AVEN: variants seen among roughly 807,000 people sequenced by gnomAD.
AVEN encodes the protein apoptosis and caspase activation inhibitor.
In AVEN, 41 loss-of-function variants were observed where a neutral mutation model predicts 38.1. That is an observed-to-expected ratio of 1.08 (90% CI 0.84 to 1.40). AVEN has a LOEUF of 1.40. Among genes scored for constraint, AVEN ranks in the 40% most tolerant of loss-of-function variants. AVEN has a pLI of 0.00. For missense variants in AVEN, 605 were observed against 438.8 expected (o/e 1.38, Z -3.38); for synonymous variants, 206 against 171.8 (o/e 1.20, Z -1.56).
intron 1 of AVEN, among the ~76,000 whole-genome samples, chr15:34,027,807 C>G (rs555005683): frequency 2.4e-5 from 3 of 126,602 alleles, no homozygotes; most frequent in Non-Finnish European, 4.8e-5. Flanking sequence ...CTACCTGAGG[C>G]AAGGATCAGG....
At chr15:34,025,613 T>G (rs1898421311) in intron 1 of AVEN, among the ~76,000 whole-genome samples, 1 of 152,212 alleles carries the variant, frequency 6.6e-6, no homozygotes, top group Non-Finnish European at 1.5e-5. Flanking sequence ...ATTTTGATAA[T>G]TGTGCAATGG....
At chr15:33,971,543 T>C (rs1002720976) in intron 2 of AVEN, among the ~76,000 whole-genome samples, 1 of 152,046 alleles carries the variant, frequency 6.6e-6, no homozygotes, top group African/African-American at 2.4e-5. Context: ...AAAGTAATTT[T>C]TGTCTGAAAT....
intron 1 of AVEN, among the ~76,000 whole-genome samples, chr15:34,026,545 C>A (rs1187641854): frequency 2.0e-5 from 3 of 151,994 alleles, no homozygotes; most frequent in Admixed American, 2.0e-4. Flanking sequence ...TATAAGCTGA[C>A]GTCACCCAGG....
At chr15:33,887,545 A>G (rs980451375) in intron 2 of AVEN, among the ~76,000 whole-genome samples, 2 of 152,200 alleles carry the variant, frequency 1.3e-5, no homozygotes. Flanking sequence ...TTCATTTTTC[A>G]TACATTTTAG....
intron 11 of AVEN, chr15:33,859,737 A>T (rs1374240723): frequency 1.2e-6 from 2 of 1,602,994 alleles, no homozygotes; most frequent in Non-Finnish European, 1.7e-6. Context: ...TCAAGGTATG[A>T]TTGCCAATTG....
chr15:34,064,284 T>A lies in AVEN; in HGVS notation n.1127-852A>T, dbSNP rs144938376. On this transcript the variant is annotated intron_variant and non_coding_transcript_variant, in intron 4 of 11. Coordinates refer to the AVEN transcript ENST00000675287. Reference sequence around the variant, plus strand: ...GAAAAAGAAAAAAGTGGAAGAGAAGTTGTACTGGCAGGGGAACAGCAAGCT... The same window carrying A: ...GAAAAAGAAAAAAGTGGAAGAGAAGATGTACTGGCAGGGGAACAGCAAGCT... 895 of 1,613,782 alleles carry A rather than the reference T, an allele frequency of 5.5e-4. 5 individuals are homozygous for A. The African/African-American group carries it at 0.01, about 18-fold the overall frequency.
At chr15:33,855,371 T>C (rs998409433), downstream of AVEN, among the ~76,000 whole-genome samples, 1 of 152,170 alleles carries the variant, frequency 6.6e-6, no homozygotes, top group Non-Finnish European at 1.5e-5. Context: ...GCCCGGCTAA[T>C]TTTTGTATTT....
chr15:33,979,298 G>A (rs954697439), intron 2 of AVEN, among the ~76,000 whole-genome samples: 1 of 152,170 alleles, frequency 6.6e-6, no homozygotes, highest in African/African-American at 2.4e-5. Flanking sequence ...AAGGAGGAAG[G>A]ATTGCTTGAG....
intron 2 of AVEN, among the ~76,000 whole-genome samples, chr15:33,921,668 A>C (rs1893399013): frequency 6.6e-6 from 1 of 152,224 alleles, no homozygotes; most frequent in South Asian, 2.1e-4. Context: ...TTTAGAAAAC[A>C]ATGACATCAT....
At chr15:33,930,096 A>G (rs778351905) in intron 2 of AVEN, among the ~76,000 whole-genome samples, 7 of 152,198 alleles carry the variant, frequency 4.6e-5, no homozygotes, top group Admixed American at 6.6e-5. Flanking sequence ...AAACTGTTCT[A>G]GCATGCCATG....
In AVEN at chr15:33,866,561, C is replaced by A. The variant is rs571487507; in HGVS notation, c.*52G>T. On this transcript the variant is annotated 3_prime_UTR_variant, in exon 6 of 6. Coordinates refer to ENST00000306730, the MANE Select transcript of AVEN (RefSeq NM_020371.3). The stretch of plus-strand genomic sequence containing the variant: ...GTCCTGAAGGACAGCCTTATGCCCA[C>A]CTGCCGTTAGAAGGCAACCAAGATT... 1.4e-6 allele frequency: 2 copies of A among 1,400,976 alleles called. No homozygotes were observed. The highest frequency in any genetic ancestry group is 4.6e-5 in the East Asian group (2 of 43,854). 86.8% of individuals were successfully genotyped at this position (1,400,976 alleles called of 1,614,324 possible).
At chr15:33,891,349 A>AT (rs1891952980) in intron 2 of AVEN, among the ~76,000 whole-genome samples, 1 of 152,132 alleles carries the variant, frequency 6.6e-6, no homozygotes, top group South Asian at 2.1e-4. Flanking sequence ...CGTCATTTAC[A>AT]TTAGGTATTT....
intron 2 of AVEN, among the ~76,000 whole-genome samples, chr15:33,896,892 A>G (rs1290281149): frequency 9.2e-5 from 14 of 152,228 alleles, no homozygotes; most frequent in Admixed American, 5.2e-4. Flanking sequence ...CAAAAGGTAG[A>G]TATTGTGCCC....
At chr15:33,901,401 A>C (rs1892494907) in intron 2 of AVEN, among the ~76,000 whole-genome samples, 1 of 152,328 alleles carries the variant, frequency 6.6e-6, no homozygotes, top group South Asian at 2.1e-4. Context: ...CGTTTTATCT[A>C]TTTGCCCACT....
chr15:33,932,076 G>C (rs922281516), intron 2 of AVEN, among the ~76,000 whole-genome samples: 1 of 152,170 alleles, frequency 6.6e-6, no homozygotes, highest in Non-Finnish European at 1.5e-5. Flanking sequence ...AGAAAATTTA[G>C]AGCATCTTAT....
intron 1 of AVEN, among the ~76,000 whole-genome samples, chr15:34,016,505 T>G (rs973307026): frequency 5.3e-5 from 8 of 152,082 alleles, no homozygotes; most frequent in African/African-American, 1.9e-4. Flanking sequence ...CCCTTTCCCT[T>G]CATACCACAC....
At chr15:33,873,337 T>G (rs370654374) in intron 3 of AVEN, among the ~76,000 whole-genome samples, 1 of 150,490 alleles carries the variant, frequency 6.6e-6, no homozygotes, top group Non-Finnish European at 1.5e-5. Flanking sequence ...TGACCTCAGG[T>G]AATCTGCCCA....
chr15:33,925,994 C>G (rs1409787683), intron 2 of AVEN, among the ~76,000 whole-genome samples: 1 of 150,564 alleles, frequency 6.6e-6, no homozygotes. Context: ...CTTGAAGCAA[C>G]CATGTATGTG....
Position 33,867,641 on chromosome 15 carries a change from T to C in AVEN, c.827A>G (p.Gln276Arg). The C allele has an allele frequency of 6.2e-7, 1 of 1,614,218 alleles. No individual in the cohort carries two copies. The highest frequency in any genetic ancestry group is 8.5e-7 in the Non-Finnish European group (1 of 1,180,028). Residue 276 changes from glutamine (Q) to arginine (R), a missense_variant, in exon 5 of 6, where the codon CAG becomes CGG. Gln to Arg is a conservative substitution (Grantham distance 43). Coordinates refer to ENST00000306730, the MANE Select transcript of AVEN (RefSeq NM_020371.3). ...TTCTTCCAAATGGTCTCCTGCTGACTGCAGTGGGGAAGTGGGTTTCTGAGA... is the reference window on the plus strand; with the variant it reads ...TTCTTCCAAATGGTCTCCTGCTGACCGCAGTGGGGAAGTGGGTTTCTGAGA... ...RDSQKPTSPL[Q>R]SAGDHLEEEL...
Sources: gnomAD v4.1 joint callset for allele counts (sites outside exome capture counted in the v4.1 genomes callset) on GRCh38, gnomAD v4.1.1 for gene constraint, MANE v1.5 for transcripts, NCBI Gene and HGNC (gene_info 2026-07-23, HGNC 2026-07-21) for gene names.